Variants in NAV3 observed in about 807,000 individuals in gnomAD.
The protein encoded by NAV3 is neuron navigator 3, also known as pore membrane and/or filament interacting like protein 1.
In NAV3, 87 loss-of-function variants were observed where a neutral mutation model predicts 244.7. The ratio of observed to expected loss-of-function variants is 0.36; its 90% confidence interval spans 0.30 to 0.42. The LOEUF (loss-of-function observed/expected upper bound fraction) is 0.42, where lower values mean the gene tolerates loss of function less well. Ranked by LOEUF, NAV3 falls within the 20% of genes least tolerant of loss-of-function variation. The pLI is 1.00. For synonymous variants in NAV3, 1,126 were observed against 1,042.2 expected (o/e 1.08, Z -1.55); for missense variants, 2,663 against 2,893.3 (o/e 0.92, Z 1.83).
chr12:77,810,063 A>C (rs1400910344), intron 2 of NAV3, among the ~76,000 whole-genome samples: 1 of 152,214 alleles, frequency 6.6e-6, no homozygotes, highest in East Asian at 1.9e-4. Context: ...TTTTGTTTTC[A>C]GTTTAATTTC....
At chr12:77,602,372 G>A (rs1386013829) in intron 2 of NAV3, among the ~76,000 whole-genome samples, 3 of 151,968 alleles carry the variant, frequency 2.0e-5, no homozygotes, top group African/African-American at 7.2e-5. Context: ...GAGACATGGT[G>A]ATATAATGAG....
At chr12:77,769,390 C>T (rs1366215797) in intron 2 of NAV3, among the ~76,000 whole-genome samples, 2 of 152,176 alleles carry the variant, frequency 1.3e-5, no homozygotes, top group Admixed American at 6.5e-5. Flanking sequence ...GTACAGCTCC[C>T]AGAGTGGTCA....
chr12:77,879,220 T>C (rs949060189), intron 1 of NAV3, among the ~76,000 whole-genome samples: 2 of 152,172 alleles, frequency 1.3e-5, no homozygotes, highest in Non-Finnish European at 2.9e-5. Context: ...TACATCTGCA[T>C]TGAACCATGC....
chr12:78,155,908 C>G (rs1957286356), intron 22 of NAV3, among the ~76,000 whole-genome samples: 1 of 152,204 alleles, frequency 6.6e-6, no homozygotes, highest in South Asian at 2.1e-4. Context: ...AGACCTTTGT[C>G]AAATGGATAG....
At chr12:78,095,098 T>C (rs1011829206) in intron 12 of NAV3, among the ~76,000 whole-genome samples, 8 of 143,638 alleles carry the variant, frequency 5.6e-5, no homozygotes, top group African/African-American at 2.0e-4. Flanking sequence ...CATATATATA[T>C]ACACATATAT....
chr12:77,875,201 A>C (rs2136516507), intron 1 of NAV3, among the ~76,000 whole-genome samples: 1 of 152,052 alleles, frequency 6.6e-6, no homozygotes, highest in Non-Finnish European at 1.5e-5. Context: ...TAAATGTTTA[A>C]ATTGTTATTC....
At position 77,593,280 on chromosome 12, in the gene NAV3, CTG is replaced by C. The variant is rs10538987; in HGVS notation, c.72+21036_72+21037del. 7.1e-3 allele frequency among the ~76,000 whole-genome samples: 1,064 copies of C among 149,134 alleles called. 16 individuals carry two copies. Among genetic ancestry groups the C allele is most frequent in the African/African-American group, 0.021 (816 of 39,668 alleles). On this transcript the variant is annotated intron_variant, in intron 2 of 8. Transcript: ENST00000550042. ...TATGTATGAGTGTGTGTATGTGTGT[CTG>C]TGTGTGTGTGTGTGTGTGTGTATTC...
At chr12:78,183,030 A>C (rs1456860492) in intron 30 of NAV3, among the ~76,000 whole-genome samples, 1 of 152,024 alleles carries the variant, frequency 6.6e-6, no homozygotes, top group Non-Finnish European at 1.5e-5. Context: ...CCTTGCATCC[A>C]GTAAAGACAG....
intron 1 of NAV3, among the ~76,000 whole-genome samples, chr12:77,871,508 A>G (rs61709832): frequency 0.012 from 1,745 of 151,618 alleles, 36 homozygotes; most frequent in African/African-American, 0.04. Context: ...TCATTGTTCA[A>G]CTCTCACTTA....
At chr12:77,900,315 A>T (rs893490029) in intron 1 of NAV3, among the ~76,000 whole-genome samples, 3 of 152,034 alleles carry the variant, frequency 2.0e-5, no homozygotes, top group African/African-American at 2.4e-5. Context: ...TGACCTCATG[A>T]TCTGCCCGCC....
At chr12:77,763,520 T>A (rs1160871176) in intron 2 of NAV3, among the ~76,000 whole-genome samples, 3 of 152,152 alleles carry the variant, frequency 2.0e-5, no homozygotes, top group African/African-American at 7.2e-5. Context: ...AGGTGTGAAC[T>A]CATGAGGCTC....
rs1874385363 is a variant in NAV3 at position 78,007,199 on chromosome 12, T to G, written c.1661T>G (p.Phe554Cys). The G allele has an allele frequency of 1.2e-6, 2 of 1,614,020 alleles. No homozygotes were observed. The highest frequency in any genetic ancestry group is 8.5e-7 in the Non-Finnish European group (1 of 1,180,022). The change falls in exon 8 of 40, where the codon TTC becomes TGC. Residue 554 changes from phenylalanine to cysteine, a missense_variant. By Grantham distance (205) the Phe-to-Cys change is radical. Coordinates refer to ENST00000397909, the MANE Select transcript of NAV3 (RefSeq NM_001024383.2). Reference protein sequence around the residue: ...GSTASKESEKFRTTKGSPSQS... With the variant: ...GSTASKESEKCRTTKGSPSQS... ...ACAGCAAGCAAAGAGTCTGAGAAAT[T>G]CAGGACTACCAAGGGGAGCCCTTCC... is the stretch of plus-strand genomic sequence containing the variant.
At chr12:77,631,407 C>T (rs1432429935) in intron 2 of NAV3, among the ~76,000 whole-genome samples, 1 of 151,368 alleles carries the variant, frequency 6.6e-6, no homozygotes, top group Non-Finnish European at 1.5e-5. Flanking sequence ...GCGATTAAAT[C>T]AGTGTTGCTT....
At chr12:77,704,703 G>C (rs1432800305) in intron 2 of NAV3, among the ~76,000 whole-genome samples, 2 of 152,032 alleles carry the variant, frequency 1.3e-5, no homozygotes, top group East Asian at 1.9e-4. Flanking sequence ...TTAAGAGACT[G>C]GGCATTAGTA....
At chr12:77,919,783 T>G (rs997129167) in intron 1 of NAV3, among the ~76,000 whole-genome samples, 6 of 151,980 alleles carry the variant, frequency 3.9e-5, no homozygotes, top group Non-Finnish European at 8.8e-5. Flanking sequence ...TCCCTTTGCT[T>G]AATAGTTGAT....
At chr12:77,856,931 A>C (rs888692449) in intron 1 of NAV3, among the ~76,000 whole-genome samples, 4 of 152,136 alleles carry the variant, frequency 2.6e-5, no homozygotes, top group African/African-American at 9.6e-5. Flanking sequence ...AGGAATGATA[A>C]AATGCTAATT....
intron 9 of NAV3, among the ~76,000 whole-genome samples, chr12:78,033,762 C>T (rs1879386104): frequency 6.6e-6 from 1 of 152,172 alleles, no homozygotes; most frequent in Non-Finnish European, 1.5e-5. Flanking sequence ...CCATCCTTTC[C>T]AGGGTTCACC....
At chr12:77,978,241 G>A (rs1868874962) in intron 5 of NAV3, among the ~76,000 whole-genome samples, 1 of 152,016 alleles carries the variant, frequency 6.6e-6, no homozygotes. Context: ...AACAACAATG[G>A]TGAGCCATTA....
chr12:77,608,165 C>A (rs773252515), intron 2 of NAV3, among the ~76,000 whole-genome samples: 3 of 152,074 alleles, frequency 2.0e-5, no homozygotes, highest in African/African-American at 4.8e-5. Context: ...AAGGAAGAAA[C>A]TTTATGGGTA....
Sources: gnomAD v4.1 joint callset for allele counts (sites outside exome capture counted in the v4.1 genomes callset) on GRCh38, gnomAD v4.1.1 for gene constraint, MANE v1.5 for transcripts, NCBI Gene and HGNC (gene_info 2026-07-23, HGNC 2026-07-21) for gene names.